LIPH: variants seen among roughly 807,000 people sequenced by gnomAD.
The protein encoded by LIPH is lipase H.
LIPH carries 32 observed loss-of-function variants against 47.6 expected under a neutral mutation model. The observed-to-expected ratio is 0.67, with a 90% CI of 0.51 to 0.90. LIPH has a LOEUF of 0.90. LIPH is among the 40% of genes least tolerant of loss of function. The pLI is 0.00. For missense variants in LIPH, 497 were observed against 541.4 expected (o/e 0.92, Z 0.81); for synonymous variants, 190 against 195.6 (o/e 0.97, Z 0.24).
intron 3 of LIPH, among the ~76,000 whole-genome samples, chr3:185,529,982 G>A (rs1247455173): frequency 2.0e-5 from 3 of 149,602 alleles, no homozygotes; most frequent in Non-Finnish European, 4.4e-5. Context: ...AAGAAAGAGA[G>A]AGAGAGAGAA....
At chr3:185,521,343 A>G (rs983252560) in intron 5 of LIPH, among the ~76,000 whole-genome samples, 1 of 152,210 alleles carries the variant, frequency 6.6e-6, no homozygotes, top group Admixed American at 6.5e-5. Context: ...ACACATGGCA[A>G]ATTAATAGGT....
rs148617227 is a variant in LIPH, at chr3:185,538,459, T to G, written c.50-3327A>C. ...CTTGGTCTGGTCTGGGGATCAGGAA[T>G]CTTCTTTCTCTTGCATCATCTGAAA... On this transcript the variant is annotated intron_variant, in intron 1 of 9. Coordinates refer to ENST00000296252, the MANE Select transcript of LIPH (RefSeq NM_139248.3). Among the ~76,000 whole-genome samples the G allele has an allele frequency of 3.6e-3, 541 of 152,296 alleles. 6 individuals carry two copies. The highest frequency in any genetic ancestry group is 0.012 in the African/African-American group (514 of 41,558).
rs770118122 is a variant in LIPH at position 185,552,421 on chromosome 3, A to C, written c.49+2T>G. 2 of 1,598,296 alleles carry C rather than the reference A, an allele frequency of 1.3e-6. No homozygotes were observed. Among genetic ancestry groups the C allele is most frequent in the Non-Finnish European group, 1.7e-6 (2 of 1,165,606 alleles). On this transcript the variant is annotated splice_donor_variant, in intron 1 of 9. Coordinates refer to ENST00000296252, the MANE Select transcript of LIPH (RefSeq NM_139248.3). LOFTEE classifies it high-confidence loss of function. Reference sequence around the variant, plus strand: ...AAGAAAACCAGTTTGTAAATAACCTACCTGATCTTGACAAGCACAACAAAC... The same window carrying C: ...AAGAAAACCAGTTTGTAAATAACCTCCCTGATCTTGACAAGCACAACAAAC...
Position 185,514,415 on chromosome 3 carries a change from G to A in LIPH, c.1089C>T (p.Ile363=). 7.0e-7 allele frequency: 1 copy of A among 1,428,146 alleles called. No homozygotes were observed. Among genetic ancestry groups the A allele is most frequent in the Non-Finnish European group, 9.9e-7 (1 of 1,010,356 alleles). The allele number at this position is 1,428,146 out of a possible 1,614,324, so 88.5% of individuals were successfully genotyped here. ...DKAGNTTESK[I]NHEPTTFQKY... The stretch of plus-strand genomic sequence containing the variant: ...ACAATTGTAACTCAACTTACTGATT[G>A]ATTTTGGATTCTGTGGTGTTTCCAG... Residue 363 remains isoleucine (I), a synonymous_variant, in exon 8 of 10, where the codon ATC becomes ATT. Coordinates refer to ENST00000296252, the MANE Select transcript of LIPH (RefSeq NM_139248.3).
intron 1 of LIPH, among the ~76,000 whole-genome samples, chr3:185,535,899 G>A (rs910652095): frequency 3.9e-5 from 6 of 152,048 alleles, no homozygotes; most frequent in South Asian, 2.1e-4. Context: ...CACCGTGCCC[G>A]GCCAACAAAA....
At chr3:185,548,029 A>T (rs1313996288) in intron 1 of LIPH, among the ~76,000 whole-genome samples, 1 of 152,132 alleles carries the variant, frequency 6.6e-6, no homozygotes, top group African/African-American at 2.4e-5. Context: ...GCCTGAAGAC[A>T]CTGTTCTGAA....
rs497680 is a variant in LIPH, at chr3:185,524,424, G to A, written c.629-264C>T. The stretch of plus-strand genomic sequence containing the variant: ...GAGTTTAGTCACTCATCCACTGCAA[G>A]GCTAATAAAATGATACATTTCTTCT... On this transcript the variant is annotated intron_variant, in intron 4 of 9. Transcript: ENST00000296252. Among the ~76,000 whole-genome samples, 83,567 of 150,684 alleles carry A rather than the reference G, an allele frequency of 0.55. 23,428 individuals carry two copies. Among genetic ancestry groups the A allele is most frequent in the South Asian group, 0.72 (3,461 of 4,788 alleles).
chr3:185,551,047 T>C (rs546369136), intron 1 of LIPH, among the ~76,000 whole-genome samples: 1 of 152,114 alleles, frequency 6.6e-6, no homozygotes, highest in Non-Finnish European at 1.5e-5. Context: ...AGTGGCGCAC[T>C]CCTGTAGTCC....
intron 7 of LIPH, among the ~76,000 whole-genome samples, chr3:185,515,515 C>CT (rs1262789817): frequency 0.011 from 1,586 of 144,160 alleles, 18 homozygotes; most frequent in African/African-American, 0.021. Flanking sequence ...GATCTGCAGG[C>CT]TTTTTTTTTT....
At chr3:185,545,203 C>T (rs982255245) in intron 1 of LIPH, among the ~76,000 whole-genome samples, 2 of 152,114 alleles carry the variant, frequency 1.3e-5, no homozygotes, top group East Asian at 3.9e-4. Flanking sequence ...TCTGAAATGC[C>T]ATTTCCTGTT....
chr3:185,519,413 C>T (rs1421900986), intron 5 of LIPH, 104 bp from the exon 6 acceptor site: 2 of 772,678 alleles, frequency 2.6e-6, no homozygotes, highest in African/African-American at 3.4e-5. Context: ...GCCCTGCGCT[C>T]TTTCAGTGTA....
intron 8 of LIPH, among the ~76,000 whole-genome samples, chr3:185,512,052 G>A (rs1719583487): frequency 6.6e-6 from 1 of 152,054 alleles, no homozygotes; most frequent in Non-Finnish European, 1.5e-5. Context: ...CATTCCGCAA[G>A]GGGGGCATTA....
intron 1 of LIPH, among the ~76,000 whole-genome samples, chr3:185,546,320 CTT>C (rs1720870370): frequency 1.4e-5 from 2 of 145,612 alleles, no homozygotes; most frequent in East Asian, 4.1e-4. Context: ...CCACTGCACT[CTT>C]AGCCTGGACG....
At chr3:185,527,321 T>C (rs1017478207) in intron 4 of LIPH, among the ~76,000 whole-genome samples, 163 bp downstream of exon 4, 2 of 151,892 alleles carry the variant, frequency 1.3e-5, no homozygotes, top group African/African-American at 4.8e-5. Flanking sequence ...GTGCCTACAT[T>C]AAACCAGCTT....
At chr3:185,512,099 GAGATCAAGC>G in intron 8 of LIPH, among the ~76,000 whole-genome samples, 1 of 152,276 alleles carries the variant, frequency 6.6e-6, no homozygotes, top group South Asian at 2.1e-4. Flanking sequence ...GATGCTTACA[GAGATCAAGC>G]TCCCCAGGTG....
At chr3:185,512,487 CTTT>C (rs549114120) in intron 8 of LIPH, among the ~76,000 whole-genome samples, 53,084 of 130,278 alleles carry the variant, frequency 0.41, 10,421 homozygotes, top group Middle Eastern at 0.48. Context: ...GACATTAATC[CTTT>C]TTTTTTTTTT....
At chr3:185,528,312 AAAGAAAGAAAG>A (rs1720181034) in intron 3 of LIPH, among the ~76,000 whole-genome samples, 2 of 94,556 alleles carry the variant, frequency 2.1e-5, no homozygotes, top group Admixed American at 2.5e-4. Flanking sequence ...GATGAGGAAG[AAAGAAAGAAAG>A]AAGAAAGAAA....
chr3:185,541,323 ACCCCTGGAAG>A (rs1336042021), intron 1 of LIPH, among the ~76,000 whole-genome samples: 1 of 149,348 alleles, frequency 6.7e-6, no homozygotes. Flanking sequence ...ATATACATAC[ACCCCTGGAAG>A]CATGCAGTCT....
At chr3:185,543,161 A>G (rs1299735637) in intron 1 of LIPH, among the ~76,000 whole-genome samples, 1 of 152,128 alleles carries the variant, frequency 6.6e-6, no homozygotes, top group Non-Finnish European at 1.5e-5. Context: ...GTGAGCTGAG[A>G]TCATGCCACT....
Sources: gnomAD v4.1 joint callset for allele counts (sites outside exome capture counted in the v4.1 genomes callset) on GRCh38, gnomAD v4.1.1 for gene constraint, MANE v1.5 for transcripts, NCBI Gene and HGNC (gene_info 2026-07-23, HGNC 2026-07-21) for gene names.